The following TMEM132B variants were observed in gnomAD, a reference collection of about 807,000 sequenced individuals.
TMEM132B encodes transmembrane protein 132B.
TMEM132B carries 18 observed loss-of-function variants against 90.8 expected under a neutral mutation model. The ratio of observed to expected loss-of-function variants is 0.20; its 90% confidence interval spans 0.14 to 0.29. TMEM132B has a LOEUF of 0.29. Among genes scored for constraint, TMEM132B ranks in the 10% least tolerant of loss-of-function variants. The pLI is 1.00. For missense variants in TMEM132B, 1,096 were observed against 1,326.8 expected, an observed-to-expected ratio of 0.83 and a Z score of 2.70; for synonymous variants, 504 against 523.3, an observed-to-expected ratio of 0.96 and a Z score of 0.50.
chr12:125,515,114 T>A (rs769340754), intron 3 of TMEM132B, among the ~76,000 whole-genome samples: 2 of 151,552 alleles, frequency 1.3e-5, no homozygotes, highest in Non-Finnish European at 2.9e-5. Flanking sequence ...CATGGCGGAT[T>A]CCTCCTAACA....
intron 2 of TMEM132B, among the ~76,000 whole-genome samples, chr12:125,352,970 T>G (rs1877638926): frequency 6.6e-6 from 1 of 152,220 alleles, no homozygotes; most frequent in Non-Finnish European, 1.5e-5. Flanking sequence ...GTCACTCCAC[T>G]GGAAGGGGTG....
chr12:125,593,607 C>A (rs768691388), intron 5 of TMEM132B, among the ~76,000 whole-genome samples: 2 of 152,116 alleles, frequency 1.3e-5, no homozygotes, highest in Non-Finnish European at 2.9e-5. Flanking sequence ...CTCTAGGGTC[C>A]TCTATTTCCC....
At chr12:125,389,865 G>A (rs541298125) in intron 2 of TMEM132B, among the ~76,000 whole-genome samples, 18 of 152,280 alleles carry the variant, frequency 1.2e-4, no homozygotes, top group African/African-American at 4.3e-4. Flanking sequence ...TGCCTCTCAA[G>A]TATTTTAAAA....
chr12:125,494,902 C>T (rs1381414076), intron 3 of TMEM132B, among the ~76,000 whole-genome samples: 9 of 84,858 alleles, frequency 1.1e-4, no homozygotes, highest in East Asian at 4.8e-4. Flanking sequence ...GCGTCCCTCT[C>T]CCCCCTCCTC....
chr12:125,625,081 A>G (rs7310042), intron 5 of TMEM132B, among the ~76,000 whole-genome samples: 37,570 of 150,214 alleles, frequency 0.25, 5,553 homozygotes, highest in African/African-American at 0.4. Flanking sequence ...TTCTTCCAGG[A>G]CAGCACAAAA....
rs75180932 is a variant in TMEM132B, at chr12:125,330,333, CTTT to C, written c.68-19103_68-19101del. 7.5e-3 allele frequency among the ~76,000 whole-genome samples: 938 copies of C among 124,436 alleles called. 4 individuals carry two copies. Among genetic ancestry groups the C allele is most frequent in the African/African-American group, 0.021 (731 of 35,378 alleles). 81.6% of individuals were successfully genotyped at this position (124,436 alleles called of 152,430 possible). A position where few individuals can be genotyped will look rare whatever the true frequency, so the allele number is the denominator to read the frequency against. On this transcript the variant is annotated intron_variant, in intron 1 of 8. Transcript: ENST00000682704. The stretch of plus-strand genomic sequence containing the variant: ...TAGTCGTGCTTTGTTTAAGGGGTTT[CTTT>C]TTTTTTTTTTTTTTTGCAGCCATGA...
At chr12:125,587,193 A>C (rs1458511403) in intron 5 of TMEM132B, 5 of 110,476 alleles carry the variant, frequency 4.5e-5, no homozygotes, top group African/African-American at 1.6e-4. Flanking sequence ...AAAAAAAAAA[A>C]AACAAGTAGA....
At position 125,652,189 on chromosome 12, in the gene TMEM132B, A is replaced by T. The variant is rs116335049; in HGVS notation, c.1915-252A>T. ...ATTATTGCCTGTAAGTTAAATCAAG[A>T]TTCTTTCAGAAAATATACTGCTGTT... On this transcript the variant is annotated intron_variant, in intron 7 of 8. Transcript: ENST00000682704. Among the ~76,000 whole-genome samples, 950 of 152,376 alleles carry T rather than the reference A, an allele frequency of 6.2e-3. 12 individuals carry two copies. The highest frequency in any genetic ancestry group is 0.022 in the African/African-American group (897 of 41,594).
At position 125,498,823 on chromosome 12, in the gene TMEM132B, C is replaced by T. The variant is rs1264443724; in HGVS notation, c.1107-20616C>T. ...TCCTAAGAGCTTCTGGCACAGTCTT[C>T]CATTGCTTTCATTTCTAGTAAATCA... On this transcript the variant is annotated intron_variant, in intron 3 of 8. Coordinates refer to ENST00000682704, the MANE Select transcript of TMEM132B (RefSeq NM_001366854.1). The surrounding 1 kb of genome is among the most constrained non-coding windows in gnomAD (Gnocchi z 4.5). Among the ~76,000 whole-genome samples, 8 of 152,216 alleles carry T rather than the reference C, an allele frequency of 5.3e-5. No homozygotes were observed. Among genetic ancestry groups the T allele is most frequent in the Non-Finnish European group, 1.2e-4 (8 of 68,028 alleles).
In TMEM132B at chr12:125,560,604, T is replaced by G. The variant is rs544835764; in HGVS notation, c.1294-23247T>G. On this transcript the variant is annotated intron_variant, in intron 4 of 8. Transcript: ENST00000682704. ...TTGGGAGGCCGAGGCGGGTGGATCA[T>G]GAGGTCAGGAGATCGAGACCATCCT... is the stretch of plus-strand genomic sequence containing the variant. 3.3e-5 allele frequency among the ~76,000 whole-genome samples: 5 copies of G among 150,528 alleles called. No individual in the cohort carries two copies. In the East Asian group the frequency reaches 9.8e-4, roughly 30 times the overall value.
intron 4 of TMEM132B, among the ~76,000 whole-genome samples, chr12:125,544,964 T>C (rs1884051564): frequency 6.6e-6 from 1 of 152,240 alleles, no homozygotes; most frequent in Admixed American, 6.5e-5. Context: ...AACCTATTGT[T>C]TAATTGATTA....
intron 1 of TMEM132B, among the ~76,000 whole-genome samples, chr12:125,286,371 C>A (rs1298374278): frequency 1.3e-5 from 2 of 152,218 alleles, no homozygotes; most frequent in African/African-American, 4.8e-5. Flanking sequence ...TGATCATGGG[C>A]AACTGTCATT....
At chr12:125,354,780 T>G (rs2136239935) in intron 2 of TMEM132B, among the ~76,000 whole-genome samples, 1 of 152,332 alleles carries the variant, frequency 6.6e-6, no homozygotes, top group South Asian at 2.1e-4. Context: ...CAATTCTCTT[T>G]TATGCTATAA....
chr12:125,535,354 G>A (rs78493369), intron 4 of TMEM132B, among the ~76,000 whole-genome samples: 2,175 of 152,256 alleles, frequency 0.014, 55 homozygotes, highest in African/African-American at 0.05. Flanking sequence ...CCAGCCCACT[G>A]TGTTTAACTG....
At position 125,515,012 on chromosome 12, in the gene TMEM132B, A is replaced by T. The variant is rs538096032; in HGVS notation, c.1107-4427A>T. 7.9e-5 allele frequency among the ~76,000 whole-genome samples: 12 copies of T among 152,292 alleles called. No homozygotes were observed. The East Asian group carries it at 2.3e-3, about 29-fold the overall frequency. On this transcript the variant is annotated intron_variant, in intron 3 of 8. Transcript: ENST00000682704. ...AGCTTTTACGGAAGGGGAGGTTTCC[A>T]TGACAAACAGGGCTTCTGGGAGGCA...
intron 2 of TMEM132B, among the ~76,000 whole-genome samples, chr12:125,378,919 G>T (rs547291845): frequency 2.0e-4 from 31 of 152,282 alleles, no homozygotes; most frequent in African/African-American, 7.2e-4. Flanking sequence ...GCCTGTTATT[G>T]TTGTTGGAGG....
chr12:125,553,436 C>T (rs942267739), intron 4 of TMEM132B, among the ~76,000 whole-genome samples: 8 of 152,196 alleles, frequency 5.3e-5, no homozygotes, highest in African/African-American at 1.9e-4. Flanking sequence ...GGCAAGTGCG[C>T]TACCAGGCCT....
rs972273804 is a variant in TMEM132B at position 125,656,211 on chromosome 12, T to C, written c.*1501T>C. On this transcript the variant is annotated 3_prime_UTR_variant, in exon 9 of 9. Transcript: ENST00000682704. ...ATTGGAAATGTAGACACTGGACTAG[T>C]ATGCCTCATTATGAGCTTTACTGAG... 2 of 152,220 alleles carry C rather than the reference T, an allele frequency of 1.3e-5. No homozygotes were observed. The allele number at this position is 152,220 out of a possible 1,614,324, so 9.4% of individuals were successfully genotyped here.
chr12:125,434,275 G>A (rs941996496), intron 3 of TMEM132B, among the ~76,000 whole-genome samples: 9 of 152,254 alleles, frequency 5.9e-5, no homozygotes, highest in African/African-American at 2.2e-4. Context: ...GTCACATCAG[G>A]CTTACCTGCT....
Sources: gnomAD v4.1 joint callset for allele counts (sites outside exome capture counted in the v4.1 genomes callset) on GRCh38, gnomAD v4.1.1 for gene constraint, Gnocchi (gnomAD v3.1) non-coding constraint, MANE v1.5 for transcripts, NCBI Gene and HGNC (gene_info 2026-07-23, HGNC 2026-07-21) for gene names.